PTPRQ: variants seen among roughly 807,000 people sequenced by gnomAD.
The protein encoded by PTPRQ is protein tyrosine phosphatase receptor type Q.
Under a neutral mutation model 246.0 loss-of-function variants are expected in PTPRQ, and 199 were observed. That is an observed-to-expected ratio of 0.81 (90% CI 0.72 to 0.91). The LOEUF is 0.91. Among genes scored for constraint, PTPRQ ranks in the 40% least tolerant of loss-of-function variants. The pLI, the probability that PTPRQ is intolerant of heterozygous loss-of-function variation, is 0.00. For missense variants in PTPRQ, 2,624 were observed against 2,528.4 expected (o/e 1.04, Z -0.81); for synonymous variants, 869 against 853.2 (o/e 1.02, Z -0.32).
At chr12:80,644,468 A>G (rs1348916748) in intron 35 of PTPRQ, among the ~76,000 whole-genome samples, 1 of 151,090 alleles carries the variant, frequency 6.6e-6, no homozygotes, top group African/African-American at 2.5e-5. Context: ...TCCATTTAAC[A>G]GTTTTTTTTT....
At chr12:80,471,748 G>T (rs1006333131) in intron 7 of PTPRQ, among the ~76,000 whole-genome samples, 1 of 151,678 alleles carries the variant, frequency 6.6e-6, no homozygotes, top group South Asian at 2.1e-4. Context: ...AAGTTATTTA[G>T]CATTTTAATT....
chr12:80,605,129 T>A lies in PTPRQ; in HGVS notation c.4680T>A (p.Ser1560Arg). Residue 1560 changes from serine to arginine, a missense_variant, in exon 27 of 45, where the codon AGT (serine) becomes AGA (arginine). Transcript: ENST00000644991. ...CTTTTAGCATCAGCATAAGCTGGAGTGAACCTGCTGTCATTACTGGACCAA... is the reference window on the plus strand; with the variant it reads ...CTTTTAGCATCAGCATAAGCTGGAGAGAACCTGCTGTCATTACTGGACCAA... ...TSPFSISISW[S>R]EPAVITGPTC... 6.5e-7 allele frequency: 1 copy of A among 1,545,448 alleles called. No individual in the cohort carries two copies. The highest frequency in any genetic ancestry group is 8.7e-7 in the Non-Finnish European group (1 of 1,143,230).
chr12:80,582,283 T>G (rs547262793), intron 25 of PTPRQ, among the ~76,000 whole-genome samples: 1 of 152,256 alleles, frequency 6.6e-6, no homozygotes, highest in East Asian at 1.9e-4. Context: ...GCAGTCTGGG[T>G]TTATGCTTGC....
chr12:80,578,491 T>C (rs561467215), intron 25 of PTPRQ, among the ~76,000 whole-genome samples: 2 of 151,934 alleles, frequency 1.3e-5, no homozygotes, highest in Admixed American at 6.6e-5. Flanking sequence ...CCCGGGTTCA[T>C]GCCATTCTCC....
intron 35 of PTPRQ, among the ~76,000 whole-genome samples, chr12:80,642,458 T>C (rs1899899765): frequency 6.6e-6 from 1 of 152,182 alleles, no homozygotes; most frequent in South Asian, 2.1e-4. Context: ...AAAGAAGACT[T>C]CTGGCAAGAA....
intron 19 of PTPRQ, among the ~76,000 whole-genome samples, chr12:80,535,878 C>T (rs1895971294): frequency 6.6e-6 from 1 of 152,184 alleles, no homozygotes; most frequent in African/African-American, 2.4e-5. Context: ...GAGGCCGAGG[C>T]GGGCGGATCA....
Position 80,495,945 on chromosome 12 carries a change from A to C in PTPRQ, c.1883-54A>C, listed in dbSNP as rs904497382. ...ACTGGCCTTATATTAAATGGCACCA[A>C]TCCCAAGAGTATTATTTTAAGGACA... On this transcript the variant is annotated intron_variant, in intron 12 of 44. Transcript: ENST00000644991. The C allele has an allele frequency of 2.6e-4, 396 of 1,520,040 alleles. 1 individual carries two copies. Among genetic ancestry groups the C allele is most frequent in the Admixed American group, 1.4e-4 (6 of 42,256 alleles). 94.2% of individuals were successfully genotyped at this position (1,520,040 alleles called of 1,614,324 possible). A position where few individuals can be genotyped will look rare whatever the true frequency, so the allele number is the denominator to read the frequency against.
At chr12:80,477,184 G>A (rs533153282) in intron 8 of PTPRQ, among the ~76,000 whole-genome samples, 2 of 152,056 alleles carry the variant, frequency 1.3e-5, no homozygotes, top group African/African-American at 4.8e-5. Flanking sequence ...GAGGGCACCT[G>A]AAATTTGAAA....
At position 80,445,431 on chromosome 12, in the gene PTPRQ, A is replaced by T; in HGVS notation, c.164-60A>T. The T allele has an allele frequency of 5.6e-6, 6 of 1,074,690 alleles. No individual in the cohort carries two copies. The South Asian group carries it at 9.6e-5, about 17-fold the overall frequency. The allele number at this position is 1,074,690 out of a possible 1,614,324, so 66.6% of individuals were successfully genotyped here. A position where few individuals can be genotyped will look rare whatever the true frequency, so the allele number is the denominator to read the frequency against. ...ACATTTATAAATACTGTTATTATGTATTTTTGTGAAAATGCAATAATTATT... is the reference window on the plus strand; with the variant it reads ...ACATTTATAAATACTGTTATTATGTTTTTTTGTGAAAATGCAATAATTATT... On this transcript the variant is annotated intron_variant, in intron 2 of 44. Transcript: ENST00000644991.
At chr12:80,590,028 T>C (rs1004126278) in intron 26 of PTPRQ, among the ~76,000 whole-genome samples, 1 of 152,188 alleles carries the variant, frequency 6.6e-6, no homozygotes, top group African/African-American at 2.4e-5. Context: ...TTTCCAGTCC[T>C]GAATGCTGCC....
At chr12:80,502,808 A>C (rs1555189564) in intron 14 of PTPRQ, among the ~76,000 whole-genome samples, 1 of 151,868 alleles carries the variant, frequency 6.6e-6, no homozygotes, top group Non-Finnish European at 1.5e-5. Flanking sequence ...GTTGCCATGA[A>C]AGCCAATGAG....
At chr12:80,566,753 T>G (rs1896991444) in intron 25 of PTPRQ, among the ~76,000 whole-genome samples, 1 of 152,134 alleles carries the variant, frequency 6.6e-6, no homozygotes, top group African/African-American at 2.4e-5. Flanking sequence ...TTGCCTAGGC[T>G]GGTCTCAAAC....
At chr12:80,555,266 C>A (rs994625110) in intron 25 of PTPRQ, among the ~76,000 whole-genome samples, 7 of 152,108 alleles carry the variant, frequency 4.6e-5, no homozygotes, top group Admixed American at 1.3e-4. Context: ...CACTATGTTG[C>A]CCAGGCTGGT....
At chr12:80,565,801 A>G (rs1444120313) in intron 25 of PTPRQ, among the ~76,000 whole-genome samples, 1 of 152,252 alleles carries the variant, frequency 6.6e-6, no homozygotes, top group Non-Finnish European at 1.5e-5. Flanking sequence ...CAGATAGAAG[A>G]CTGTACAAAA....
At chr12:80,459,187 G>C in intron 4 of PTPRQ, 97 bp from the exon 5 acceptor site, 1 of 396,440 alleles carries the variant, frequency 2.5e-6, no homozygotes. Context: ...TTTATGCAGT[G>C]TATTATATAT....
chr12:80,669,419 G>C lies in PTPRQ; in HGVS notation c.6408G>C (p.Glu2136Asp), dbSNP rs777356600. 3 of 1,549,144 alleles carry C rather than the reference G, an allele frequency of 1.9e-6. No homozygotes were observed. The highest frequency in any genetic ancestry group is 2.4e-5 in the South Asian group (2 of 83,816). Residue 2136 changes from glutamate to aspartate, a missense_variant, in exon 41 of 45, where the codon GAG becomes GAC. Coordinates refer to ENST00000644991, the MANE Select transcript of PTPRQ (RefSeq NM_001145026.2). Reference sequence around the variant, plus strand: ...ATATAGTGATTACAAAGCTAATGGAGGATGTTCAAATAGATTGGACTATCA... The same window carrying C: ...ATATAGTGATTACAAAGCTAATGGACGATGTTCAAATAGATTGGACTATCA... ...FGDIVITKLMEDVQIDWTIRD... is the reference protein window; with the variant it reads ...FGDIVITKLMDDVQIDWTIRD...
At chr12:80,510,468 GT>G (rs1414570448) in intron 17 of PTPRQ, 25 bp downstream of exon 17, 12 of 1,521,184 alleles carry the variant, frequency 7.9e-6, no homozygotes, top group Non-Finnish European at 1.1e-5. Flanking sequence ...TTTGGAAATA[GT>G]TCTGAGAACA....
chr12:80,608,140 A>G (rs1898399633), intron 27 of PTPRQ, among the ~76,000 whole-genome samples: 1 of 150,704 alleles, frequency 6.6e-6, no homozygotes, highest in Admixed American at 6.6e-5. Flanking sequence ...GAGGCGGGGT[A>G]GGAAGAGAAA....
intron 6 of PTPRQ, chr12:80,462,586 C>T (rs1339471198): frequency 6.5e-6 from 1 of 153,104 alleles, no homozygotes; most frequent in East Asian, 2.0e-4. Flanking sequence ...TGACCCCTGA[C>T]CGCCGAGCAG....
Sources: gnomAD v4.1 joint callset for allele counts (sites outside exome capture counted in the v4.1 genomes callset) on GRCh38, gnomAD v4.1.1 for gene constraint, MANE v1.5 for transcripts, NCBI Gene and HGNC (gene_info 2026-07-23, HGNC 2026-07-21) for gene names.